The following SLX9 variants were observed in gnomAD, a reference collection of about 807,000 sequenced individuals.
SLX9 encodes ribosome biogenesis protein SLX9 homolog.
A neutral mutation model predicts 20.8 loss-of-function variants in SLX9; 19 were observed. That is an observed-to-expected ratio of 0.91 (90% CI 0.64 to 1.34). The LOEUF is 1.34. SLX9 is among the 40% of genes most tolerant of loss of function. The pLI is 0.00. For missense variants in SLX9, 299 were observed against 322.2 expected (o/e 0.93, Z 0.55); for synonymous variants, 113 against 137.1 (o/e 0.82, Z 1.23).
intron 5 of SLX9, 144 bp downstream of exon 5, chr21:44,973,409 C>T: frequency 3.3e-6 from 2 of 603,382 alleles, no homozygotes; most frequent in East Asian, 2.8e-5. Flanking sequence ...TCACCCCGCC[C>T]ACCCTCTCCA....
chr21:44,960,047 A>G (rs1208073050), intron 2 of SLX9, 53 bp from the exon 3 acceptor site: 1 of 1,531,068 alleles, frequency 6.5e-7, no homozygotes, highest in Non-Finnish European at 9.1e-7. Flanking sequence ...TTCTCAGGTC[A>G]TGGGAGTGCC....
intron 2 of SLX9, among the ~76,000 whole-genome samples, chr21:44,948,081 G>A (rs1248173594): frequency 3.9e-5 from 6 of 152,268 alleles, no homozygotes; most frequent in South Asian, 4.1e-4. Context: ...GCAGCCGGCC[G>A]GGTGTCCAGT....
In SLX9 at chr21:44,960,158, A is replaced by G. The variant is rs200065667; in HGVS notation, c.342A>G (p.Gln114=). Reference sequence around the variant, plus strand: ...AGAAAATGAAGCTGAGGCGTGAGCAATGGTTGCAGAGTAAGTCCATGCCTG... The same window carrying G: ...AGAAAATGAAGCTGAGGCGTGAGCAGTGGTTGCAGAGTAAGTCCATGCCTG... ...KKEKMKLRRE[Q]WLQKIEAIKL... is the part of the protein sequence containing the mutation. The change falls in exon 3 of 6, where the codon CAA becomes CAG. Residue 114 remains glutamine, a synonymous_variant. Coordinates refer to ENST00000291634, the MANE Select transcript of SLX9 (RefSeq NM_058190.4). 31 of 1,614,080 alleles carry G rather than the reference A, an allele frequency of 1.9e-5. No individual in the cohort carries two copies. Among genetic ancestry groups the G allele is most frequent in the African/African-American group, 1.2e-4 (9 of 74,936 alleles).
chr21:44,956,677 G>A (rs544526079), intron 2 of SLX9, among the ~76,000 whole-genome samples: 15 of 152,348 alleles, frequency 9.8e-5, no homozygotes, highest in African/African-American at 3.6e-4. Flanking sequence ...TGTTGATGGC[G>A]TGCACGGAAA....
At chr21:44,968,989 G>A (rs1480493221) in intron 4 of SLX9, 17 of 369,296 alleles carry the variant, frequency 4.6e-5, no homozygotes, top group African/African-American at 2.1e-4. Flanking sequence ...TCCTGACCTC[G>A]TGATCCAGCC....
intron 3 of SLX9, among the ~76,000 whole-genome samples, chr21:44,966,741 G>GC (rs2085042979): frequency 6.6e-6 from 1 of 152,196 alleles, no homozygotes; most frequent in South Asian, 2.1e-4. Context: ...ACTCCCCTAC[G>GC]CGTGCTCCGG....
chr21:44,970,947 C>G (rs2085132410), intron 4 of SLX9, among the ~76,000 whole-genome samples: 1 of 152,256 alleles, frequency 6.6e-6, no homozygotes, highest in African/African-American at 2.4e-5. Flanking sequence ...CCTCATGCCC[C>G]TGGGGTGCAG....
chr21:44,968,253 C>T (rs1274661460), intron 4 of SLX9, among the ~76,000 whole-genome samples: 2 of 152,040 alleles, frequency 1.3e-5, no homozygotes, highest in Admixed American at 1.3e-4. Context: ...GTGACGCAAC[C>T]CCCAGTGACA....
intron 2 of SLX9, among the ~76,000 whole-genome samples, chr21:44,954,131 C>T (rs2084810903): frequency 1.3e-5 from 2 of 152,164 alleles, no homozygotes; most frequent in Admixed American, 6.5e-5. Flanking sequence ...GGTGAGCTAA[C>T]ACTGGGGGTG....
intron 3 of SLX9, among the ~76,000 whole-genome samples, chr21:44,961,011 A>G (rs1473034577): frequency 1.3e-5 from 2 of 152,228 alleles, no homozygotes; most frequent in Non-Finnish European, 1.5e-5. Context: ...GGTAGGACCT[A>G]GAAAACTTTG....
chr21:44,966,908 T>TGACAGCGGGAAGGAGAGA, intron 3 of SLX9, 126 bp from the exon 4 acceptor site: 1 of 1,238,740 alleles, frequency 8.1e-7, no homozygotes, highest in Non-Finnish European at 1.1e-6. Flanking sequence ...GGAATGGGGG[T>TGACAGCGGGAAGGAGAGA]GACAGCGGGA....
intron 4 of SLX9, among the ~76,000 whole-genome samples, chr21:44,970,850 C>T (rs2085129897): frequency 6.6e-6 from 1 of 152,198 alleles, no homozygotes. Flanking sequence ...GGGTCCTTGC[C>T]CCACGGCCCC....
chr21:44,959,177 C>T (rs1042572569), intron 2 of SLX9: 2 of 984,726 alleles, frequency 2.0e-6, no homozygotes, highest in African/African-American at 3.5e-5. Flanking sequence ...AGCGCAGCGA[C>T]TGCCTTTCTC....
At chr21:44,953,310 G>C (rs754722645) in intron 2 of SLX9, among the ~76,000 whole-genome samples, 1 of 152,198 alleles carries the variant, frequency 6.6e-6, no homozygotes, top group Non-Finnish European at 1.5e-5. Flanking sequence ...TAGGCAGGTC[G>C]TGGAGGCTGT....
intron 4 of SLX9, 118 bp from the exon 5 acceptor site, chr21:44,973,079 T>C: frequency 1.2e-6 from 1 of 835,402 alleles, no homozygotes; most frequent in Non-Finnish European, 1.7e-6. Flanking sequence ...CTGCAGTGGT[T>C]TGGTCACCTC....
chr21:44,960,433 A>C (rs8128110), intron 3 of SLX9, among the ~76,000 whole-genome samples: 2,002 of 152,336 alleles, frequency 0.013, 41 homozygotes, highest in African/African-American at 0.046. Context: ...CCGTGTGGGC[A>C]CCTGCAGAGC....
At chr21:44,952,268 G>A (rs1425298416) in intron 2 of SLX9, among the ~76,000 whole-genome samples, 1 of 152,244 alleles carries the variant, frequency 6.6e-6, no homozygotes, top group Non-Finnish European at 1.5e-5. Flanking sequence ...TTGGGCTTGC[G>A]CTGCTCGCCC....
intron 4 of SLX9, among the ~76,000 whole-genome samples, chr21:44,969,577 T>C (rs780528621): frequency 6.6e-6 from 1 of 152,174 alleles, no homozygotes; most frequent in Non-Finnish European, 1.5e-5. Flanking sequence ...GGGGAGCTCT[T>C]GGAATCAGCC....
At chr21:44,963,095 T>C (rs2084973051) in intron 3 of SLX9, among the ~76,000 whole-genome samples, 1 of 150,598 alleles carries the variant, frequency 6.6e-6, no homozygotes, top group Non-Finnish European at 1.5e-5. Context: ...TTTCTTTCTT[T>C]TTTTTTTTTT....
Sources: gnomAD v4.1 joint callset for allele counts (sites outside exome capture counted in the v4.1 genomes callset) on GRCh38, gnomAD v4.1.1 for gene constraint, MANE v1.5 for transcripts, NCBI Gene and HGNC (gene_info 2026-07-23, HGNC 2026-07-21) for gene names.